RGS3: variants seen among roughly 807,000 people sequenced by gnomAD.
RGS3 encodes the protein regulator of G-protein signalling 3.
In RGS3, 80 loss-of-function variants were observed where a neutral mutation model predicts 132.6. That is an observed-to-expected ratio of 0.60 (90% CI 0.50 to 0.73). RGS3 has a LOEUF of 0.73. RGS3 is among the 30% of genes least tolerant of loss of function. RGS3 has a pLI of 0.00. For synonymous variants in RGS3, 598 were observed against 620.6 expected (o/e 0.96, Z 0.54); for missense variants, 1,382 against 1,530.8 (o/e 0.90, Z 1.62).
rs891976441 is a variant in RGS3, at chr9:113,517,695, C to T, written c.1758+71C>T. ...TCATTGGCATTCTCCAGGCCCCTCA[C>T]TTTGGTCTCTTCCTGAGTATCTTAG... On this transcript the variant is annotated intron_variant, in intron 16 of 24. Transcript: ENST00000350696. 2.5e-6 allele frequency: 3 copies of T among 1,177,902 alleles called. No individual in the cohort carries two copies. The African/African-American group carries it at 4.6e-5, about 18-fold the overall frequency. The allele number at this position is 1,177,902 out of a possible 1,614,324, so 73.0% of individuals were successfully genotyped here.
chr9:113,446,734 A>G (rs1829107829), intron 1 of RGS3, among the ~76,000 whole-genome samples: 2 of 152,138 alleles, frequency 1.3e-5, no homozygotes, highest in South Asian at 4.1e-4. Context: ...ACTCTGAACA[A>G]TTTTGATGAC....
At chr9:113,517,648 T>A in intron 16 of RGS3, 24 bp downstream of exon 14, 1 of 1,595,812 alleles carries the variant, frequency 6.3e-7, no homozygotes, top group East Asian at 2.2e-5. Context: ...CTGCATTTTT[T>A]AGGGGGCTTT....
intron 21 of RGS3, among the ~76,000 whole-genome samples, chr9:113,593,155 C>T (rs1038367602): frequency 6.6e-6 from 1 of 152,168 alleles, no homozygotes; most frequent in Non-Finnish European, 1.5e-5. Flanking sequence ...CTGGTAACTG[C>T]TGGAGCTGGG....
At position 113,565,535 on chromosome 9, in the gene RGS3, A is replaced by T. The variant is rs1012468534; in HGVS notation, c.2038-17915A>T. On this transcript the variant is annotated intron_variant, in intron 19 of 24. Transcript: ENST00000350696. This position sits in a 1 kb window ranked among gnomAD's most constrained non-coding sequence, Gnocchi z 5.7. Reference sequence around the variant, plus strand: ...CCTAGCAGGTATCGCTCCCCTGGGGAACTTGGGTAAGTCCATAAATAGCTC... The same window carrying T: ...CCTAGCAGGTATCGCTCCCCTGGGGTACTTGGGTAAGTCCATAAATAGCTC... 2.3e-6 allele frequency: 1 copy of T among 439,454 alleles called. No individual in the cohort carries two copies. The highest frequency in any genetic ancestry group is 2.1e-5 in the African/African-American group (1 of 48,150). The allele number at this position is 439,454 out of a possible 1,614,324, so 27.2% of individuals were successfully genotyped here.
Position 113,591,258 on chromosome 9 carries a change from G to A in RGS3, c.3016-75G>A. On this transcript the variant is annotated intron_variant, in intron 20 of 24. Coordinates refer to ENST00000350696, the Ensembl canonical transcript of RGS3. The surrounding 1 kb of genome is among the most constrained non-coding windows in gnomAD (Gnocchi z 4.4). Reference sequence around the variant, plus strand: ...AGGGGCTGGTGGCAGGGAATGTTGGGTCTCTGAGCCTCTGTTTACTTAGGC... The same window carrying A: ...AGGGGCTGGTGGCAGGGAATGTTGGATCTCTGAGCCTCTGTTTACTTAGGC... The A allele has an allele frequency of 7.4e-7, 1 of 1,345,172 alleles. No individual in the cohort carries two copies. Among genetic ancestry groups the A allele is most frequent in the Non-Finnish European group, 1.1e-6 (1 of 944,310 alleles). The allele number at this position is 1,345,172 out of a possible 1,614,324, so 83.3% of individuals were successfully genotyped here. A position where few individuals can be genotyped will look rare whatever the true frequency, so the allele number is the denominator to read the frequency against.
upstream of RGS3, among the ~76,000 whole-genome samples, chr9:113,457,264 C>T (rs950260186): frequency 2.6e-5 from 4 of 152,190 alleles, no homozygotes; most frequent in African/African-American, 9.7e-5. Flanking sequence ...ACCCTTCCTT[C>T]CTCTCCTATA....
chr9:113,485,254 A>AT (rs1205778246), intron 6 of RGS3, among the ~76,000 whole-genome samples: 1 of 151,664 alleles, frequency 6.6e-6, no homozygotes, highest in Non-Finnish European at 1.5e-5. Context: ...TGCCTGGCTA[A>AT]TTTTTTTTGT....
At chr9:113,582,219 G>C (rs1455790932) in intron 19 of RGS3, 1 of 985,296 alleles carries the variant, frequency 1.0e-6, no homozygotes, top group African/African-American at 1.7e-5. Context: ...GCTTTTGGCT[G>C]TCAGGGCAGC....
intron 21 of RGS3, 32 bp from the exon 20 acceptor site, chr9:113,594,398 T>C (rs1319906634): frequency 6.2e-7 from 1 of 1,611,080 alleles, no homozygotes; most frequent in Non-Finnish European, 8.5e-7. Context: ...TGGGCCAGGC[T>C]GAGCAACCCT....
In RGS3 at chr9:113,537,758, C is replaced by T. The variant is rs539376787; in HGVS notation, c.2037+840C>T. On this transcript the variant is annotated intron_variant, in intron 19 of 24. Coordinates refer to ENST00000350696, the Ensembl canonical transcript of RGS3. This position sits in a 1 kb window ranked among gnomAD's most constrained non-coding sequence, Gnocchi z 4.3. ...CTGGCCTTTTCACTTCTCCCTGGTG[C>T]AGTCAGTCCCCTATGCCATGGGCAG... is the stretch of plus-strand genomic sequence containing the variant. Among the ~76,000 whole-genome samples the T allele has an allele frequency of 6.6e-5, 10 of 152,294 alleles. No individual in the cohort carries two copies. The highest frequency in any genetic ancestry group is 9.6e-5 in the African/African-American group (4 of 41,562).
chr9:113,546,376 G>A (rs1035026292), intron 19 of RGS3, among the ~76,000 whole-genome samples: 1 of 152,106 alleles, frequency 6.6e-6, no homozygotes, highest in Non-Finnish European at 1.5e-5. Flanking sequence ...TTCATCCTTA[G>A]CATCTGGATG....
Position 113,596,873 on chromosome 9 carries a change from A to G in RGS3, c.3517A>G (p.Lys1173Glu), listed in dbSNP as rs544940942. The G allele has an allele frequency of 3.3e-5, 53 of 1,613,852 alleles. 1 individual carries two copies. The East Asian group carries it at 1.0e-3, about 31-fold the overall frequency. ...GAAGCGCATCTTCGGGCTCATGGAA[A>G]AGGACTCGTACCCTCGCTTTCTCCG... The change falls in exon 25 of 25, where the codon AAG (lysine) becomes GAG (glutamate). Residue 1173 changes from lysine (K) to glutamate (E), a missense_variant. By Grantham distance (56) the Lys-to-Glu change is moderately conservative (BLOSUM62 1). Transcript: ENST00000350696.
intron 3 of RGS3, among the ~76,000 whole-genome samples, chr9:113,477,996 C>T (rs1044362155): frequency 5.9e-5 from 9 of 152,208 alleles, no homozygotes; most frequent in South Asian, 2.1e-4. Context: ...TCGATGTCAC[C>T]GAGGAAGAGG....
At chr9:113,588,199 C>T (rs1019285117) in intron 20 of RGS3, among the ~76,000 whole-genome samples, 1 of 152,204 alleles carries the variant, frequency 6.6e-6, no homozygotes, top group Non-Finnish European at 1.5e-5. Flanking sequence ...TAAGCTCCCA[C>T]GTAGGTCAGA....
At chr9:113,583,466 C>A (rs145365708) in exon 20 of RGS3, 3 of 1,614,064 alleles carry the variant, frequency 1.9e-6, no homozygotes, top group Non-Finnish European at 2.5e-6. Context: ...GAGACGGAGG[C>A]AGATGAGAAG....
intron 14 of RGS3, among the ~76,000 whole-genome samples, chr9:113,511,300 A>G (rs1831388311): frequency 6.6e-6 from 1 of 152,128 alleles, no homozygotes; most frequent in Non-Finnish European, 1.5e-5. Context: ...TGGAGGAGAA[A>G]AGGGTGATAT....
chr9:113,488,367 A>G (rs1830401854), intron 7 of RGS3, among the ~76,000 whole-genome samples: 2 of 152,160 alleles, frequency 1.3e-5, no homozygotes, highest in African/African-American at 4.8e-5. Flanking sequence ...GAAGACAGAG[A>G]TATGGGAGCC....
chr9:113,509,590 G>A (rs1831310890), intron 14 of RGS3, among the ~76,000 whole-genome samples: 1 of 152,176 alleles, frequency 6.6e-6, no homozygotes, highest in Non-Finnish European at 1.5e-5. Flanking sequence ...GAAGCTGGCT[G>A]GGCATTCCTT....
intron 19 of RGS3, among the ~76,000 whole-genome samples, chr9:113,572,376 T>C (rs767143366): frequency 2.6e-5 from 4 of 151,648 alleles, no homozygotes; most frequent in Non-Finnish European, 4.4e-5. Context: ...CAAGCAGAGA[T>C]AGGGTGTGCC....
Sources: allele counts gnomAD v4.1 joint callset (sites outside exome capture counted in the v4.1 genomes callset), GRCh38; gene constraint gnomAD v4.1.1; non-coding constraint Gnocchi (gnomAD v3.1); transcripts MANE v1.5; gene names NCBI Gene and HGNC (gene_info 2026-07-23, HGNC 2026-07-21).